Variants in CDC5L observed in about 807,000 individuals in gnomAD.
CDC5L encodes the protein cell division cycle 5-like protein.
A neutral mutation model predicts 104.1 loss-of-function variants in CDC5L; 18 were observed. That is an observed-to-expected ratio of 0.17 (90% confidence interval 0.12 to 0.26). The LOEUF (loss-of-function observed/expected upper bound fraction) is 0.26, where lower values mean the gene tolerates loss of function less well. CDC5L is among the 10% of genes least tolerant of loss of function. The pLI, the probability that CDC5L is intolerant of heterozygous loss-of-function variation, is 1.00. For missense variants in CDC5L, 673 were observed against 956.9 expected (o/e 0.70, Z 3.91); for synonymous variants, 331 against 322.7 (o/e 1.03, Z -0.28).
intron 8 of CDC5L, among the ~76,000 whole-genome samples, chr6:44,413,246 A>G (rs936889804): frequency 1.3e-5 from 2 of 152,190 alleles, no homozygotes; most frequent in African/African-American, 2.4e-5. Flanking sequence ...CATATAATAT[A>G]TGATGTTTTG....
intron 8 of CDC5L, among the ~76,000 whole-genome samples, chr6:44,409,814 T>G (rs1791547371): frequency 6.6e-6 from 1 of 152,182 alleles, no homozygotes; most frequent in Non-Finnish European, 1.5e-5. Flanking sequence ...AGAGAGTCCC[T>G]TGGATCCCCT....
In CDC5L at chr6:44,418,845, G is replaced by GTTT. The variant is rs11375216; in HGVS notation, c.1093-592_1093-590dup. On this transcript the variant is annotated intron_variant, in intron 8 of 15. Transcript: ENST00000371477. Reference sequence around the variant, plus strand: ...CGCCCACTTTTTGATGTGGTTGTTTGTTTTTTTTTTTTTTGTAAATTTGTT... The same window carrying GTTT: ...CGCCCACTTTTTGATGTGGTTGTTTGTTTTTTTTTTTTTTTTTGTAAATTTGTT... Among the ~76,000 whole-genome samples, 54 of 136,402 alleles carry GTTT rather than the reference G, an allele frequency of 4.0e-4. 2 individuals are homozygous for GTTT. The South Asian group carries it at 5.9e-3, about 15-fold the overall frequency. 89.5% of individuals were successfully genotyped at this position (136,402 alleles called of 152,430 possible).
At chr6:44,441,071 T>C (rs1793163626) in intron 14 of CDC5L, among the ~76,000 whole-genome samples, 1 of 152,206 alleles carries the variant, frequency 6.6e-6, no homozygotes, top group Non-Finnish European at 1.5e-5. Flanking sequence ...TGCTATGTAA[T>C]AGATCACCAG....
chr6:44,392,752 C>G lies in CDC5L; in HGVS notation c.235C>G (p.Pro79Ala). 3 of 1,614,080 alleles carry G rather than the reference C, an allele frequency of 1.9e-6. No individual in the cohort carries two copies. Among genetic ancestry groups the G allele is most frequent in the Non-Finnish European group, 2.5e-6 (3 of 1,179,956 alleles). The change falls in exon 3 of 16, where the codon CCA (proline) becomes GCA (alanine). Residue 79 changes from proline (P) to alanine (A), a missense_variant. Physicochemically the swap from Pro to Ala is conservative, Grantham distance 27 (BLOSUM62 -1). Transcript: ENST00000371477. ...EKLLHLAKLM[P>A]TQWRTIAPII... is the part of the protein sequence containing the mutation. The stretch of plus-strand genomic sequence containing the variant: ...ACTCTTGCACTTGGCCAAGTTGATG[C>G]CAACTCAGTGGAGGACCATTGCTCC...
In CDC5L at chr6:44,447,914, A is replaced by G. The variant is rs914653496; in HGVS notation, c.*1203A>G. ...ACTAAGTATGTCCAGGGAAAGTATC[A>G]GACCATGAGTTTTAGATTCTGTGGA... On this transcript the variant is annotated 3_prime_UTR_variant, in exon 16 of 16. Coordinates refer to ENST00000371477, the MANE Select transcript of CDC5L (RefSeq NM_001253.4). 6.6e-6 allele frequency: 1 copy of G among 152,218 alleles called. No individual in the cohort carries two copies. Among genetic ancestry groups the G allele is most frequent in the Non-Finnish European group, 1.5e-5 (1 of 68,046 alleles). The allele number at this position is 152,218 out of a possible 1,614,324, so 9.4% of individuals were successfully genotyped here. A position where few individuals can be genotyped will look rare whatever the true frequency, so the allele number is the denominator to read the frequency against.
At position 44,433,642 on chromosome 6, in the gene CDC5L, T is replaced by G. The variant is rs139475623; in HGVS notation, c.2091+3732T>G. ...AGTAATACTACTTCTCCCTGTAATT[T>G]ACTGGCACAGTCAACTGTAGTCAAG... On this transcript the variant is annotated intron_variant, in intron 14 of 15. Coordinates refer to ENST00000371477, the MANE Select transcript of CDC5L (RefSeq NM_001253.4). 1.3e-3 allele frequency among the ~76,000 whole-genome samples: 196 copies of G among 152,310 alleles called. 1 individual carries two copies. Among genetic ancestry groups the G allele is most frequent in the African/African-American group, 4.6e-3 (190 of 41,570 alleles).
intron 14 of CDC5L, 30 bp from the exon 15 acceptor site, chr6:44,445,625 A>T: frequency 6.5e-7 from 1 of 1,531,942 alleles, no homozygotes; most frequent in South Asian, 1.1e-5. Flanking sequence ...TTTCTCATGT[A>T]TGCTGATGTG....
chr6:44,421,084 A>G (rs1792148703), intron 9 of CDC5L, among the ~76,000 whole-genome samples: 1 of 152,152 alleles, frequency 6.6e-6, no homozygotes, highest in South Asian at 2.1e-4. Flanking sequence ...TAAGTTGACA[A>G]ATGGTAAAGT....
intron 7 of CDC5L, among the ~76,000 whole-genome samples, chr6:44,407,160 C>T (rs1422220542): frequency 6.6e-6 from 1 of 152,064 alleles, no homozygotes; most frequent in Non-Finnish European, 1.5e-5. Flanking sequence ...CTGCCTTCTC[C>T]CAGGGAATGT....
At chr6:44,443,754 C>T (rs1017334458) in intron 14 of CDC5L, among the ~76,000 whole-genome samples, 6 of 151,258 alleles carry the variant, frequency 4.0e-5, no homozygotes, top group African/African-American at 7.3e-5. Context: ...CTCTTGACCT[C>T]GGTGAGCATC....
chr6:44,396,492 C>A, intron 5 of CDC5L, 52 bp downstream of exon 5: 6 of 1,106,704 alleles, frequency 5.4e-6, no homozygotes, highest in South Asian at 2.7e-5. Context: ...ACATAACAAT[C>A]AACACAGAAT....
chr6:44,415,730 C>T (rs943608684), intron 8 of CDC5L, among the ~76,000 whole-genome samples: 2 of 152,124 alleles, frequency 1.3e-5, no homozygotes, highest in Non-Finnish European at 2.9e-5. Flanking sequence ...GCACACATGT[C>T]CTAGCTACTG....
intron 5 of CDC5L, 67 bp downstream of exon 5, chr6:44,396,507 C>T (rs1454096809): frequency 1.1e-6 from 1 of 944,392 alleles, no homozygotes; most frequent in Non-Finnish European, 1.6e-6. Context: ...CAGAATACTT[C>T]TGTGACCAGA....
chr6:44,392,916 T>C (rs1790683254), intron 3 of CDC5L, 88 bp downstream of exon 3: 3 of 1,214,726 alleles, frequency 2.5e-6, no homozygotes, highest in Non-Finnish European at 3.5e-6. Context: ...GTCTTTAAAC[T>C]TTTAATTATG....
At chr6:44,396,029 A>G (rs1430773930) in intron 4 of CDC5L, among the ~76,000 whole-genome samples, 1 of 152,218 alleles carries the variant, frequency 6.6e-6, no homozygotes, top group East Asian at 1.9e-4. Flanking sequence ...GATGCTTTAC[A>G]TATTTCGTTT....
intron 8 of CDC5L, among the ~76,000 whole-genome samples, chr6:44,412,781 CTTTTT>C (rs397950082): frequency 9.4e-6 from 1 of 106,590 alleles, no homozygotes. Context: ...AGAATAATTT[CTTTTT>C]TTTTTTTTTT....
At chr6:44,426,226 T>C (rs1419700015) in intron 12 of CDC5L, 43 bp downstream of exon 12, 4 of 1,359,714 alleles carry the variant, frequency 2.9e-6, no homozygotes, top group Non-Finnish European at 4.2e-6. Context: ...TAAGTTTCTT[T>C]TTATATGATT....
intron 14 of CDC5L, among the ~76,000 whole-genome samples, chr6:44,434,522 T>C (rs1360839497): frequency 6.6e-6 from 1 of 152,168 alleles, no homozygotes; most frequent in Non-Finnish European, 1.5e-5. Flanking sequence ...TTGACTATTA[T>C]ATGGGATCAT....
At position 44,445,886 on chromosome 6, in the gene CDC5L, C is replaced by T. The variant is rs1253486836; in HGVS notation, c.2304+19C>T. 1.3e-6 allele frequency: 2 copies of T among 1,568,134 alleles called. No individual in the cohort carries two copies. Among genetic ancestry groups the T allele is most frequent in the South Asian group, 2.2e-5 (2 of 89,908 alleles). On this transcript the variant is annotated intron_variant, in intron 15 of 15. Coordinates refer to ENST00000371477, the MANE Select transcript of CDC5L (RefSeq NM_001253.4). ...GCTAGAGGTAACGTTATATATTGAA[C>T]TGTTGTTTAAAAAGAGTGCTGCAAA...
Sources: gnomAD v4.1 joint callset for allele counts (sites outside exome capture counted in the v4.1 genomes callset) on GRCh38, gnomAD v4.1.1 for gene constraint, MANE v1.5 for transcripts, NCBI Gene and HGNC (gene_info 2026-07-23, HGNC 2026-07-21) for gene names.